PCCA: variants seen among roughly 807,000 people sequenced by gnomAD.
PCCA encodes propionyl-CoA carboxylase alpha chain, mitochondrial.
PCCA carries 74 observed loss-of-function variants against 101.3 expected under a neutral mutation model. That is an observed-to-expected ratio of 0.73 (90% CI 0.61 to 0.89). The LOEUF is 0.89. Ranked by LOEUF, PCCA falls within the 40% of genes least tolerant of loss-of-function variation. PCCA has a pLI of 0.00. For missense variants in PCCA, 891 were observed against 907.0 expected, an observed-to-expected ratio of 0.98 and a Z score of 0.23; for synonymous variants, 294 against 313.6, an observed-to-expected ratio of 0.94 and a Z score of 0.66.
Position 100,268,694 on chromosome 13 carries a change from A to G in PCCA, c.825A>G (p.Leu275=), listed in dbSNP as rs376560248. ...DNPRHIEIQV[L]GDKHGNALWL... ...AAATGGTATTGCTCTTTCAGGTTCT[A>G]GGTGATAAACATGGGAATGCTTTAT... Residue 275 remains leucine (L), a synonymous_variant, in exon 11 of 24, where the codon CTA becomes CTG. Coordinates refer to ENST00000376285, the MANE Select transcript of PCCA (RefSeq NM_000282.4). 1.0e-4 allele frequency: 167 copies of G among 1,610,864 alleles called. No individual in the cohort carries two copies. Among genetic ancestry groups the G allele is most frequent in the Non-Finnish European group, 1.4e-4 (160 of 1,177,068 alleles).
intron 21 of PCCA, among the ~76,000 whole-genome samples, chr13:100,459,128 C>T (rs746267929): frequency 2.0e-5 from 3 of 152,144 alleles, no homozygotes; most frequent in Non-Finnish European, 4.4e-5. Context: ...GTCACATGGC[C>T]TTCTTCCCTA....
chr13:100,458,361 T>TAC (rs58649291), intron 21 of PCCA, among the ~76,000 whole-genome samples: 10,066 of 101,170 alleles, frequency 0.099, 723 homozygotes, highest in East Asian at 0.14. Context: ...ACCCCATCTC[T>TAC]ACACACACAC....
intron 12 of PCCA, among the ~76,000 whole-genome samples, chr13:100,282,474 C>T (rs951173030): frequency 6.6e-6 from 1 of 152,336 alleles, no homozygotes; most frequent in African/African-American, 2.4e-5. Context: ...ACTGGGGCTG[C>T]GCTCGGCACT....
At chr13:100,485,791 A>G (rs1385403051) in intron 21 of PCCA, among the ~76,000 whole-genome samples, 1 of 152,238 alleles carries the variant, frequency 6.6e-6, no homozygotes, top group Non-Finnish European at 1.5e-5. Context: ...GTGAGGCACC[A>G]TAGATTCTCT....
intron 4 of PCCA, among the ~76,000 whole-genome samples, chr13:100,129,322 C>T (rs1453311419): frequency 3.3e-5 from 5 of 152,168 alleles, no homozygotes; most frequent in African/African-American, 1.2e-4. Flanking sequence ...GGCAGTTTAT[C>T]TAATGTGAAC....
At chr13:100,444,506 A>G (rs2080642357) in intron 20 of PCCA, among the ~76,000 whole-genome samples, 1 of 125,794 alleles carries the variant, frequency 7.9e-6, no homozygotes, top group South Asian at 2.4e-4. Context: ...GCAGTGATGC[A>G]ATCTTGGCTC....
At chr13:100,412,252 GT>G (rs1455733855) in intron 19 of PCCA, among the ~76,000 whole-genome samples, 2 of 152,170 alleles carry the variant, frequency 1.3e-5, no homozygotes, top group Non-Finnish European at 2.9e-5. Context: ...CACAGACTCT[GT>G]TCACATTCAC....
At chr13:100,235,493 G>T (rs2060741384) in intron 7 of PCCA, among the ~76,000 whole-genome samples, 1 of 152,038 alleles carries the variant, frequency 6.6e-6, no homozygotes, top group Admixed American at 6.5e-5. Context: ...GAAACAAGCT[G>T]GCTGCGGACA....
chr13:100,520,061 A>G (rs568366317), intron 22 of PCCA, among the ~76,000 whole-genome samples: 1 of 152,394 alleles, frequency 6.6e-6, no homozygotes, highest in Non-Finnish European at 1.5e-5. Context: ...ATCTCACAGC[A>G]TGTACACAGA....
chr13:100,273,472 A>T (rs951711400), intron 12 of PCCA, 126 bp downstream of exon 12: 3 of 764,870 alleles, frequency 3.9e-6, no homozygotes, highest in Non-Finnish European at 6.6e-6. Context: ...TTTAGTTTTT[A>T]TGCTTGTGCT....
In PCCA at chr13:100,422,065, TTTTCTTTTCTTTCTTTC is replaced by T. The variant is rs1473278524; in HGVS notation, c.1747-3560_1747-3544del. Among the ~76,000 whole-genome samples the T allele has an allele frequency of 6.5e-3, 384 of 59,402 alleles. 15 individuals carry two copies. Among genetic ancestry groups the T allele is most frequent in the Middle Eastern group, 0.026 (2 of 76 alleles). The allele number at this position is 59,402 out of a possible 152,430, so 39.0% of individuals were successfully genotyped here. Reference sequence around the variant, plus strand: ...TTCTTTCTTTTCCTTTTCTCTTCTCTTTTCTTTTCTTTCTTTCTTTCTTTCTTTCTTTCTTTCTTTCT... The same window carrying T: ...TTCTTTCTTTTCCTTTTCTCTTCTCTTTTCTTTCTTTCTTTCTTTCTTTCT... On this transcript the variant is annotated intron_variant, in intron 19 of 23. Coordinates refer to ENST00000376285, the MANE Select transcript of PCCA (RefSeq NM_000282.4).
rs113753357 is a variant in PCCA, at chr13:100,295,928, A to C, written c.1066-5532A>C. On this transcript the variant is annotated intron_variant, in intron 12 of 23. Coordinates refer to ENST00000376285, the MANE Select transcript of PCCA (RefSeq NM_000282.4). ...TTCCTCAGTTTTAATTTTCATTTCA[A>C]GTCAACTCAGGTATATAATTAAAAT... is the stretch of plus-strand genomic sequence containing the variant. 3.9e-3 allele frequency among the ~76,000 whole-genome samples: 587 copies of C among 152,254 alleles called. 4 individuals carry two copies. The highest frequency in any genetic ancestry group is 0.013 in the African/African-American group (553 of 41,548).
intron 21 of PCCA, among the ~76,000 whole-genome samples, chr13:100,486,559 A>G (rs889038184): frequency 6.6e-6 from 1 of 152,232 alleles, no homozygotes; most frequent in African/African-American, 2.4e-5. Flanking sequence ...TATGAACTAT[A>G]TTGTAACATG....
chr13:100,403,853 G>A lies in PCCA; in HGVS notation c.1747-21780G>A, dbSNP rs915923522. Among the ~76,000 whole-genome samples, 19 of 152,052 alleles carry A rather than the reference G, an allele frequency of 1.2e-4. No individual in the cohort carries two copies. In the East Asian group the frequency reaches 1.5e-3, roughly 12 times the overall value. ...GGTTCCTCCCTGCTGCAAACACTGCGAACTTCCTGAGGCCCCACCCCAGTG... is the reference window on the plus strand; with the variant it reads ...GGTTCCTCCCTGCTGCAAACACTGCAAACTTCCTGAGGCCCCACCCCAGTG... On this transcript the variant is annotated intron_variant, in intron 19 of 23. Coordinates refer to ENST00000376285, the MANE Select transcript of PCCA (RefSeq NM_000282.4).
intron 20 of PCCA, among the ~76,000 whole-genome samples, chr13:100,441,366 A>G (rs1410637429): frequency 6.6e-6 from 1 of 152,042 alleles, no homozygotes; most frequent in African/African-American, 2.4e-5. Flanking sequence ...AACTATTACT[A>G]TTTCTTCCTC....
chr13:100,397,515 A>G (rs1318332227), intron 19 of PCCA, among the ~76,000 whole-genome samples: 1 of 152,226 alleles, frequency 6.6e-6, no homozygotes, highest in African/African-American at 2.4e-5. Context: ...GAGCGTTCAT[A>G]ATCTGGATAT....
Position 100,218,344 on chromosome 13 carries a change from G to GTT in PCCA, c.600+8895_600+8896dup, listed in dbSNP as rs74359948. ...CCACCACCATGTCTGGCTATGGGTT[G>GTT]TTTTTTTTTTTTTTTGTATTTAGCA... On this transcript the variant is annotated intron_variant, in intron 7 of 23. Coordinates refer to ENST00000376285, the MANE Select transcript of PCCA (RefSeq NM_000282.4). Among the ~76,000 whole-genome samples, 683 of 136,422 alleles carry GTT rather than the reference G, an allele frequency of 5.0e-3. 8 individuals carry two copies. Among genetic ancestry groups the GTT allele is most frequent in the Admixed American group, 6.6e-3 (91 of 13,712 alleles). The allele number at this position is 136,422 out of a possible 152,430, so 89.5% of individuals were successfully genotyped here.
At position 100,482,874 on chromosome 13, in the gene PCCA, C is replaced by T. The variant is rs1175688827; in HGVS notation, c.1900-32553C>T. ...AAATTTTCTATTTCAAAAGTTCAGTCGTGGGCACAAGTTGATTTTGCCTTA... is the reference window on the plus strand; with the variant it reads ...AAATTTTCTATTTCAAAAGTTCAGTTGTGGGCACAAGTTGATTTTGCCTTA... On this transcript the variant is annotated intron_variant, in intron 21 of 23. Transcript: ENST00000376285. 2.6e-5 allele frequency among the ~76,000 whole-genome samples: 4 copies of T among 152,164 alleles called. No individual in the cohort carries two copies. In the South Asian group the frequency reaches 6.2e-4, roughly 24 times the overall value.
At chr13:100,317,640 G>A (rs1454558119) in intron 16 of PCCA, among the ~76,000 whole-genome samples, 1 of 152,144 alleles carries the variant, frequency 6.6e-6, no homozygotes, top group Admixed American at 6.5e-5. Context: ...AGGCTGGAGT[G>A]CAGTGATGGG....
Sources: allele counts gnomAD v4.1 joint callset (sites outside exome capture counted in the v4.1 genomes callset), GRCh38; gene constraint gnomAD v4.1.1; transcripts MANE v1.5; gene names NCBI Gene and HGNC (gene_info 2026-07-23, HGNC 2026-07-21).